DPY19L4: variants seen among roughly 807,000 people sequenced by gnomAD.
The protein encoded by DPY19L4 is dpy-19 like 4.
Under a neutral mutation model 102.8 loss-of-function variants are expected in DPY19L4, and 97 were observed. The ratio of observed to expected loss-of-function variants is 0.94; its 90% CI spans 0.80 to 1.12. The LOEUF is 1.12. Among genes scored for constraint, DPY19L4 ranks in the 50% most tolerant of loss-of-function variants. The pLI is 0.00. For synonymous variants in DPY19L4, 252 were observed against 283.1 expected, an observed-to-expected ratio of 0.89 and a Z score of 1.10; for missense variants, 815 against 850.4, an observed-to-expected ratio of 0.96 and a Z score of 0.52.
chr8:94,741,896 T>C (rs185785702), intron 6 of DPY19L4, among the ~76,000 whole-genome samples: 1 of 152,330 alleles, frequency 6.6e-6, no homozygotes, highest in East Asian at 1.9e-4. Flanking sequence ...AGAATGGAAT[T>C]AGAAAATCCA....
intron 13 of DPY19L4, among the ~76,000 whole-genome samples, chr8:94,776,180 C>T (rs2130917587): frequency 1.3e-5 from 2 of 151,714 alleles, no homozygotes; most frequent in Middle Eastern, 3.4e-3. Flanking sequence ...CTACAGGCGC[C>T]CACCACCATG....
intron 6 of DPY19L4, among the ~76,000 whole-genome samples, chr8:94,741,283 G>GT (rs1219507060): frequency 3.9e-5 from 6 of 152,218 alleles, no homozygotes; most frequent in Admixed American, 3.9e-4. Flanking sequence ...TCTGTGTGGC[G>GT]TTTTTTAGCA....
chr8:94,761,602 G>T (rs902069319), intron 7 of DPY19L4, 98 bp from the exon 8 acceptor site: 8 of 1,073,738 alleles, frequency 7.5e-6, no homozygotes, highest in East Asian at 3.0e-5. Context: ...GCTTAAAGTT[G>T]AACGAGTAAC....
At position 94,726,370 on chromosome 8, in the gene DPY19L4, C is replaced by A; in HGVS notation, c.56C>A (p.Ser19Tyr). Residue 19 changes from serine to tyrosine, a missense_variant, in exon 2 of 19, where the codon TCT becomes TAT. Ser to Tyr is a moderately radical substitution (Grantham distance 144). Coordinates refer to ENST00000414645, the MANE Select transcript of DPY19L4 (RefSeq NM_181787.3). Reference sequence around the variant, plus strand: ...CTGCGCCAAAGAAAAAAGCCAAAGTCTTCAGAAAATAAGGAATCTGCCAAA... The same window carrying A: ...CTGCGCCAAAGAAAAAAGCCAAAGTATTCAGAAAATAAGGAATCTGCCAAA... Reference protein sequence around the residue: ...VELRQRKKPKSSENKESAKEE... With the variant: ...VELRQRKKPKYSENKESAKEE... 2 of 1,611,978 alleles carry A rather than the reference C, an allele frequency of 1.2e-6. No homozygotes were observed. Among genetic ancestry groups the A allele is most frequent in the Non-Finnish European group, 1.7e-6 (2 of 1,179,552 alleles).
chr8:94,729,222 A>C (rs765155696), intron 2 of DPY19L4, among the ~76,000 whole-genome samples: 6 of 151,978 alleles, frequency 3.9e-5, no homozygotes, highest in Non-Finnish European at 8.8e-5. Flanking sequence ...AATACAAAAA[A>C]TTAGCTGGGC....
At position 94,770,516 on chromosome 8, in the gene DPY19L4, A is replaced by G; in HGVS notation, c.1399A>G (p.Ile467Val). 1 of 1,613,890 alleles carries G rather than the reference A, an allele frequency of 6.2e-7. No homozygotes were observed. Among genetic ancestry groups the G allele is most frequent in the Non-Finnish European group, 8.5e-7 (1 of 1,179,880 alleles). ...DGRIGERPEI[I>V]YHVIHTILLG... ...ACGAATTGGAGAAAGACCAGAAATAATTTATCATGTAATTCACACTATTTT... is the reference window on the plus strand; with the variant it reads ...ACGAATTGGAGAAAGACCAGAAATAGTTTATCATGTAATTCACACTATTTT... Residue 467 changes from isoleucine (I) to valine (V), a missense_variant, in exon 13 of 19, where the codon ATT becomes GTT. Ile to Val is a conservative substitution (Grantham distance 29). Coordinates refer to ENST00000414645, the MANE Select transcript of DPY19L4 (RefSeq NM_181787.3).
chr8:94,780,537 C>G (rs1813383635), intron 15 of DPY19L4, 122 bp downstream of exon 15: 1 of 605,612 alleles, frequency 1.7e-6, no homozygotes, highest in African/African-American at 1.9e-5. Flanking sequence ...ATGTAACATT[C>G]TTAGTAATGC....
At chr8:94,734,825 T>G in intron 3 of DPY19L4, 71 bp downstream of exon 3, 3 of 1,590,202 alleles carry the variant, frequency 1.9e-6, no homozygotes, top group Non-Finnish European at 2.6e-6. Context: ...ATGATAAGTA[T>G]GACAAGTGCT....
At chr8:94,742,559 ATT>A (rs34777022) in intron 6 of DPY19L4, among the ~76,000 whole-genome samples, 25,797 of 115,028 alleles carry the variant, frequency 0.22, 3,500 homozygotes, top group African/African-American at 0.44. Context: ...TGCCTGGCTA[ATT>A]TTTTTTTTTT....
intron 16 of DPY19L4, 72 bp from the exon 17 acceptor site, chr8:94,783,598 A>G: frequency 2.4e-5 from 36 of 1,522,558 alleles, no homozygotes; most frequent in Non-Finnish European, 3.2e-5. Flanking sequence ...GGTATTTCAG[A>G]GTTGATATAG....
chr8:94,765,810 G>T lies in DPY19L4; in HGVS notation c.1101+1G>T, dbSNP rs752147382. 2 of 1,511,028 alleles carry T rather than the reference G, an allele frequency of 1.3e-6. No individual in the cohort carries two copies. Among genetic ancestry groups the T allele is most frequent in the Admixed American group, 1.9e-5 (1 of 53,394 alleles). The allele number at this position is 1,511,028 out of a possible 1,614,324, so 93.6% of individuals were successfully genotyped here. A position where few individuals can be genotyped will look rare whatever the true frequency, so the allele number is the denominator to read the frequency against. Reference sequence around the variant, plus strand: ...AATAACATTGAATATTATAATGAAGGTAAGTAACTCTCTGGGATTCATATA... The same window carrying T: ...AATAACATTGAATATTATAATGAAGTTAAGTAACTCTCTGGGATTCATATA... On this transcript the variant is annotated splice_donor_variant, in intron 10 of 18. Coordinates refer to ENST00000414645, the MANE Select transcript of DPY19L4 (RefSeq NM_181787.3). LOFTEE classifies it high-confidence loss of function.
chr8:94,731,438 T>C (rs910714573), intron 2 of DPY19L4, among the ~76,000 whole-genome samples: 12 of 152,264 alleles, frequency 7.9e-5, no homozygotes, highest in African/African-American at 2.9e-4. Context: ...TATTTTGAGA[T>C]GGAGTTTCGC....
intron 14 of DPY19L4, among the ~76,000 whole-genome samples, chr8:94,779,393 G>A (rs1377064009): frequency 4.0e-5 from 6 of 151,040 alleles, no homozygotes; most frequent in Non-Finnish European, 8.8e-5. Context: ...CACAGTCATA[G>A]TTCACTTTAG....
At chr8:94,735,819 G>C (rs573301633) in intron 3 of DPY19L4, among the ~76,000 whole-genome samples, 1 of 152,138 alleles carries the variant, frequency 6.6e-6, no homozygotes, top group Non-Finnish European at 1.5e-5. Flanking sequence ...AGGTCTCCAG[G>C]TGTTTCATAT....
chr8:94,740,636 T>C (rs777913000), intron 6 of DPY19L4, among the ~76,000 whole-genome samples: 3 of 152,130 alleles, frequency 2.0e-5, no homozygotes, highest in African/African-American at 4.8e-5. Flanking sequence ...TTTGTATTTT[T>C]AGTAGAGACA....
At chr8:94,740,360 A>ATG (rs991179248) in intron 6 of DPY19L4, among the ~76,000 whole-genome samples, 3 of 152,020 alleles carry the variant, frequency 2.0e-5, no homozygotes, top group African/African-American at 7.2e-5. Flanking sequence ...TTCTAGGTGA[A>ATG]TGTGTGTGTG....
chr8:94,780,166 C>T (rs1433947437), intron 14 of DPY19L4, among the ~76,000 whole-genome samples, 193 bp from the exon 15 acceptor site: 3 of 152,002 alleles, frequency 2.0e-5, no homozygotes, highest in Admixed American at 2.0e-4. Context: ...ACTTTACTTC[C>T]AGCTTAATAT....
At chr8:94,724,759 T>C (rs745541782) in intron 1 of DPY19L4, among the ~76,000 whole-genome samples, 5 of 152,180 alleles carry the variant, frequency 3.3e-5, no homozygotes, top group Non-Finnish European at 7.3e-5. Context: ...GGCTGATTTT[T>C]CTATTTTTAG....
At chr8:94,766,568 C>A in intron 10 of DPY19L4, 44 bp from the exon 11 acceptor site, 2 of 1,570,076 alleles carry the variant, frequency 1.3e-6, no homozygotes, top group Non-Finnish European at 1.7e-6. Context: ...TGTTTGTAAG[C>A]ATAGCTAATA....
Sources: allele counts gnomAD v4.1 joint callset (sites outside exome capture counted in the v4.1 genomes callset), GRCh38; gene constraint gnomAD v4.1.1; transcripts MANE v1.5; gene names NCBI Gene and HGNC (gene_info 2026-07-23, HGNC 2026-07-21).